The following RB1CC1 variants were observed in gnomAD, a reference collection of about 807,000 sequenced individuals.
RB1CC1 encodes the protein RB1-inducible coiled-coil protein 1.
In RB1CC1, 46 loss-of-function variants were observed where a neutral mutation model predicts 177.5. The observed-to-expected ratio is 0.26, with a 90% CI of 0.20 to 0.33. The LOEUF is 0.33. RB1CC1 is among the 10% of genes least tolerant of loss of function. The pLI is 1.00. For synonymous variants in RB1CC1, 666 were observed against 613.6 expected (o/e 1.09, Z -1.26); for missense variants, 1,703 against 1,816.3 (o/e 0.94, Z 1.13).
chr8:52,676,659 G>A (rs2150567067), intron 5 of RB1CC1, 88 bp from the exon 6 acceptor site: 3 of 1,168,008 alleles, frequency 2.6e-6, no homozygotes, highest in Non-Finnish European at 3.7e-6. Flanking sequence ...ATGTACGTGT[G>A]GATGCGTTGT....
chr8:52,647,817 C>T (rs16918047), intron 15 of RB1CC1, among the ~76,000 whole-genome samples: 1 of 151,990 alleles, frequency 6.6e-6, no homozygotes, highest in Admixed American at 6.6e-5. Flanking sequence ...AGAATGATAT[C>T]GTGTGAATCT....
At chr8:52,701,792 G>GA (rs113491836) in intron 1 of RB1CC1, among the ~76,000 whole-genome samples, 253 of 137,662 alleles carry the variant, frequency 1.8e-3, no homozygotes, top group South Asian at 0.014. Context: ...AGTCTTCTTT[G>GA]AAAAAAAAAA....
chr8:52,694,618 C>T (rs1855207584), intron 1 of RB1CC1, among the ~76,000 whole-genome samples: 1 of 152,192 alleles, frequency 6.6e-6, no homozygotes, highest in South Asian at 2.1e-4. Flanking sequence ...TAAGCAACTA[C>T]AGCCACTTCA....
chr8:52,683,464 A>G, intron 5 of RB1CC1, 85 bp downstream of exon 5: 1 of 1,197,202 alleles, frequency 8.4e-7, no homozygotes, highest in Non-Finnish European at 1.1e-6. Context: ...CTTTTTGCAT[A>G]CTTCCTATGC....
At chr8:52,625,077 T>G (rs1774651696) in intron 22 of RB1CC1, among the ~76,000 whole-genome samples, 1 of 152,114 alleles carries the variant, frequency 6.6e-6, no homozygotes, top group African/African-American at 2.4e-5. Context: ...ATACAAATCA[T>G]GAACAAATAT....
At chr8:52,713,970 C>T (rs1433442700) in intron 1 of RB1CC1, 105 bp downstream of exon 1, 1 of 227,498 alleles carries the variant, frequency 4.4e-6, no homozygotes, top group Non-Finnish European at 9.2e-6. Flanking sequence ...GGGCTCAGGC[C>T]GACCGGAACC....
At chr8:52,644,895 A>G (rs1849885432) in intron 16 of RB1CC1, among the ~76,000 whole-genome samples, 1 of 152,204 alleles carries the variant, frequency 6.6e-6, no homozygotes, top group African/African-American at 2.4e-5. Context: ...TGTATACCCC[A>G]AACTGCAATA....
chr8:52,624,792 T>C lies in RB1CC1; in HGVS notation c.4637-5A>G, dbSNP rs34169001. Reference sequence around the variant, plus strand: ...GTCTTCTAGATGCACCTGAAGCTAATGAAATTAAATAGTTAATCTCTTTTT... The same window carrying C: ...GTCTTCTAGATGCACCTGAAGCTAACGAAATTAAATAGTTAATCTCTTTTT... On this transcript the variant is annotated splice_polypyrimidine_tract_variant and splice_region_variant and intron_variant, in intron 22 of 23. Coordinates refer to ENST00000025008, the MANE Select transcript of RB1CC1 (RefSeq NM_014781.5). 5.5e-4 allele frequency: 831 copies of C among 1,503,494 alleles called. 4 individuals are homozygous for C. In the African/African-American group the frequency reaches 0.01, roughly 18 times the overall value. The allele number at this position is 1,503,494 out of a possible 1,614,324, so 93.1% of individuals were successfully genotyped here.
intron 1 of RB1CC1, 90 bp from the exon 2 acceptor site, chr8:52,687,057 C>T: frequency 7.0e-6 from 3 of 425,994 alleles, no homozygotes; most frequent in South Asian, 3.4e-5. Context: ...TTAAAACTAC[C>T]GTCTAAGAAT....
In RB1CC1 at chr8:52,683,705, A is replaced by T. The variant is rs913760304; in HGVS notation, c.213T>A (p.Ile71=). Residue 71 remains isoleucine, a synonymous_variant, in exon 5 of 24, where the codon ATT becomes ATA. Coordinates refer to ENST00000025008, the MANE Select transcript of RB1CC1 (RefSeq NM_014781.5). ...AGATCATTTCTTTGTTAAAAAGAAA[A>T]ATTGGATTTGTATCCTATATTTTTT... ...TYSAGTDTNP[I]FLFNKEMILC... 2 of 1,587,288 alleles carry T rather than the reference A, an allele frequency of 1.3e-6. No individual in the cohort carries two copies. Among genetic ancestry groups the T allele is most frequent in the African/African-American group, 2.7e-5 (2 of 73,476 alleles).
intron 15 of RB1CC1, among the ~76,000 whole-genome samples, chr8:52,655,395 T>C (rs974129420): frequency 2.0e-5 from 3 of 151,996 alleles, no homozygotes; most frequent in African/African-American, 7.2e-5. Flanking sequence ...AAAGTAAAAA[T>C]ACTAAAAACC....
chr8:52,637,780 CCT>C (rs1231908951), intron 18 of RB1CC1, among the ~76,000 whole-genome samples: 1 of 152,040 alleles, frequency 6.6e-6, no homozygotes, highest in Non-Finnish European at 1.5e-5. Flanking sequence ...AATCAATTCT[CCT>C]GTCTCAGCCT....
At chr8:52,649,008 C>T (rs767079985) in intron 15 of RB1CC1, among the ~76,000 whole-genome samples, 9 of 152,164 alleles carry the variant, frequency 5.9e-5, no homozygotes, top group Non-Finnish European at 1.2e-4. Context: ...TGTGGATACA[C>T]TGGACAAATC....
chr8:52,665,083 G>A (rs1376260434), intron 8 of RB1CC1, among the ~76,000 whole-genome samples: 4 of 152,070 alleles, frequency 2.6e-5, no homozygotes, highest in East Asian at 3.9e-4. Context: ...AAATCTAGAC[G>A]ATTTTATAGA....
At position 52,705,399 on chromosome 8, in the gene RB1CC1, A is replaced by G. The variant is rs74357786; in HGVS notation, c.-167+8676T>C. On this transcript the variant is annotated intron_variant, in intron 1 of 23. Transcript: ENST00000025008. Reference sequence around the variant, plus strand: ...ACTAATGAGAACTAAAACATCAACAAGGTACTACTTTTTACCCTTCAGATT... The same window carrying G: ...ACTAATGAGAACTAAAACATCAACAGGGTACTACTTTTTACCCTTCAGATT... 2.2e-3 allele frequency among the ~76,000 whole-genome samples: 329 copies of G among 152,302 alleles called. 2 individuals are homozygous for G. Among genetic ancestry groups the G allele is most frequent in the African/African-American group, 7.6e-3 (318 of 41,574 alleles).
intron 21 of RB1CC1, 30 bp from the exon 22 acceptor site, chr8:52,628,198 T>TA (rs1303674478): frequency 3.1e-6 from 5 of 1,593,172 alleles, no homozygotes; most frequent in Non-Finnish European, 3.4e-6. Flanking sequence ...TTTATTGACT[T>TA]AGAGTTACTT....
Position 52,657,464 on chromosome 8 carries a change from C to G in RB1CC1, c.2365G>C (p.Gly789Arg). 6.2e-7 allele frequency: 1 copy of G among 1,613,666 alleles called. No homozygotes were observed. The highest frequency in any genetic ancestry group is 8.5e-7 in the Non-Finnish European group (1 of 1,179,988). ...DTNVCGKEDF[G>R]DHTSLNVQLE... The stretch of plus-strand genomic sequence containing the variant: ...TGGACATTCAGAGAAGTATGATCTC[C>G]AAAATCCTCCTTACCACATACATTT... The change falls in exon 15 of 24, where the codon GGA (glycine) becomes CGA (arginine). Residue 789 changes from glycine to arginine, a missense_variant. By Grantham distance (125) the Gly-to-Arg change is moderately radical. Transcript: ENST00000025008.
At chr8:52,671,129 G>A (rs796411078) in intron 7 of RB1CC1, among the ~76,000 whole-genome samples, 6 of 152,254 alleles carry the variant, frequency 3.9e-5, no homozygotes, top group African/African-American at 1.4e-4. Flanking sequence ...GGAATCCCAT[G>A]TTAAGTGACT....
chr8:52,642,604 CA>C lies in RB1CC1; in HGVS notation c.4097-14del. ...GACTCTATCAAATCTGAAGGACACC[CA>C]AATTTAAAAAAGTATCATGTAATTA... is the stretch of plus-strand genomic sequence containing the variant. On this transcript the variant is annotated splice_polypyrimidine_tract_variant and intron_variant, in intron 17 of 23. Coordinates refer to ENST00000025008, the MANE Select transcript of RB1CC1 (RefSeq NM_014781.5). 6.2e-7 allele frequency: 1 copy of C among 1,607,438 alleles called. No homozygotes were observed. The highest frequency in any genetic ancestry group is 8.5e-7 in the Non-Finnish European group (1 of 1,177,716).
Sources: allele counts gnomAD v4.1 joint callset (sites outside exome capture counted in the v4.1 genomes callset), GRCh38; gene constraint gnomAD v4.1.1; transcripts MANE v1.5; gene names NCBI Gene and HGNC (gene_info 2026-07-23, HGNC 2026-07-21).